Variants in IFT88 observed in about 807,000 individuals in gnomAD.
IFT88 encodes the protein intraflagellar transport 88.
A neutral mutation model predicts 119.5 loss-of-function variants in IFT88; 74 were observed. The ratio of observed to expected loss-of-function variants is 0.62; its 90% confidence interval spans 0.51 to 0.75. The LOEUF (loss-of-function observed/expected upper bound fraction) is 0.75, where lower values mean the gene tolerates loss of function less well. IFT88 is among the 30% of genes least tolerant of loss of function. The pLI, the probability that IFT88 is intolerant of heterozygous loss-of-function variation, is 0.00. For missense variants in IFT88, 961 were observed against 977.7 expected, an observed-to-expected ratio of 0.98 and a Z score of 0.23; for synonymous variants, 279 against 316.7, an observed-to-expected ratio of 0.88 and a Z score of 1.26.
At chr13:20,608,316 G>A (rs547966333) in intron 13 of IFT88, among the ~76,000 whole-genome samples, 37 of 152,328 alleles carry the variant, frequency 2.4e-4, no homozygotes, top group African/African-American at 8.7e-4. Flanking sequence ...TGAGCCACAG[G>A]AGGATGCGTT....
intron 24 of IFT88, among the ~76,000 whole-genome samples, chr13:20,684,380 C>T (rs1028485859): frequency 2.0e-5 from 3 of 152,136 alleles, no homozygotes; most frequent in African/African-American, 7.2e-5. Flanking sequence ...ACCTCTCCCT[C>T]CTTTGTCTCT....
chr13:20,615,089 A>G, intron 13 of IFT88, among the ~76,000 whole-genome samples: 1 of 152,224 alleles, frequency 6.6e-6, no homozygotes, highest in Non-Finnish European at 1.5e-5. Flanking sequence ...TGCTGGGATT[A>G]CAGGCATGAG....
At chr13:20,614,700 T>G (rs891635709) in intron 13 of IFT88, among the ~76,000 whole-genome samples, 1 of 152,160 alleles carries the variant, frequency 6.6e-6, no homozygotes, top group Non-Finnish European at 1.5e-5. Context: ...GGGTAAAGGG[T>G]ACATGGAATC....
In IFT88 at chr13:20,625,380, A is replaced by C. The variant is rs557691639; in HGVS notation, c.1200-370A>C. Among the ~76,000 whole-genome samples the C allele has an allele frequency of 2.0e-5, 3 of 152,320 alleles. No individual in the cohort carries two copies. The East Asian group carries it at 5.8e-4, about 29-fold the overall frequency. ...ATTTAAGTTGGGACACAAAAAATTA[A>C]ATATATTCTACAAGTTCTGTAGAAT... On this transcript the variant is annotated intron_variant, in intron 14 of 25. Transcript: ENST00000351808.
At chr13:20,668,381 A>G (rs139295022) in intron 23 of IFT88, among the ~76,000 whole-genome samples, 186 of 151,900 alleles carry the variant, frequency 1.2e-3, no homozygotes, top group Non-Finnish European at 1.8e-3. Context: ...TTTTTCTTAC[A>G]TAATAGGCAC....
intron 20 of IFT88, 39 bp from the exon 21 acceptor site, chr13:20,653,837 T>G: frequency 8.1e-7 from 1 of 1,227,062 alleles, no homozygotes; most frequent in African/African-American, 1.5e-5. Context: ...ATCACAGATT[T>G]TTTTATCTCT....
chr13:20,597,771 T>TA lies in IFT88; in HGVS notation c.594+652_594+653insA, dbSNP rs377601043. 2.2e-3 allele frequency among the ~76,000 whole-genome samples: 310 copies of TA among 142,016 alleles called. 1 individual carries two copies. The highest frequency in any genetic ancestry group is 5.9e-3 in the African/African-American group (226 of 38,556). The allele number at this position is 142,016 out of a possible 152,430, so 93.2% of individuals were successfully genotyped here. A position where few individuals can be genotyped will look rare whatever the true frequency, so the allele number is the denominator to read the frequency against. The stretch of plus-strand genomic sequence containing the variant: ...AAAAAAAAAATATATATATATATAT[T>TA]TTTTTTTTGATAACTTGGTAAGTAC... On this transcript the variant is annotated intron_variant, in intron 9 of 25. Coordinates refer to ENST00000351808, the MANE Select transcript of IFT88 (RefSeq NM_006531.5).
intron 3 of IFT88, among the ~76,000 whole-genome samples, chr13:20,586,168 C>T (rs2039630276): frequency 6.6e-6 from 1 of 152,188 alleles, no homozygotes; most frequent in Admixed American, 6.5e-5. Flanking sequence ...CAAGGTCTCA[C>T]AGTTATCTGT....
At position 20,567,166 on chromosome 13, in the gene IFT88, C is replaced by A. The variant is rs940232820; in HGVS notation, c.-97C>A. The A allele has an allele frequency of 6.6e-6, 1 of 152,266 alleles. No homozygotes were observed. The highest frequency in any genetic ancestry group is 1.5e-5 in the Non-Finnish European group (1 of 68,108). The allele number at this position is 152,266 out of a possible 1,614,324, so 9.4% of individuals were successfully genotyped here. ...CTGTGGGAGCGGCTTCCTTGGATTC[C>A]GCGCTTGGCAACGGCTCGGCGTCGC... On this transcript the variant is annotated 5_prime_UTR_variant, in exon 1 of 26. Coordinates refer to ENST00000351808, the MANE Select transcript of IFT88 (RefSeq NM_006531.5).
intron 24 of IFT88, among the ~76,000 whole-genome samples, chr13:20,684,189 T>C (rs11838795): frequency 0.52 from 79,604 of 152,058 alleles, 22,560 homozygotes; most frequent in African/African-American, 0.72. Flanking sequence ...CCATATCACC[T>C]TCTCATCTAG....
At position 20,653,918 on chromosome 13, in the gene IFT88, CAGA is replaced by C. The variant is rs2140536502; in HGVS notation, c.1998_2000del (p.Arg666del). ...GGCAGCTGATGGTAGCTAGTTGTTT[CAGA>C]AGAAGTGGTAAATGCTTTAGTTTTA... On this transcript the variant is annotated inframe_deletion, in exon 21 of 26. Coordinates refer to ENST00000351808, the MANE Select transcript of IFT88 (RefSeq NM_006531.5). 1 of 1,583,876 alleles carries C rather than the reference CAGA, an allele frequency of 6.3e-7. No homozygotes were observed. Among genetic ancestry groups the C allele is most frequent in the Non-Finnish European group, 8.6e-7 (1 of 1,162,976 alleles).
chr13:20,638,288 G>C, intron 16 of IFT88, 44 bp from the exon 17 acceptor site: 1 of 1,028,530 alleles, frequency 9.7e-7, no homozygotes, highest in Non-Finnish European at 1.3e-6. Flanking sequence ...GTCAGAAAAG[G>C]TATTTCATGA....
intron 10 of IFT88, among the ~76,000 whole-genome samples, chr13:20,599,103 T>C (rs1475551611): frequency 6.6e-6 from 1 of 152,076 alleles, no homozygotes; most frequent in Non-Finnish European, 1.5e-5. Flanking sequence ...TTAATGTTTA[T>C]CAGAATGTCG....
At chr13:20,674,852 T>G (rs572977157) in intron 24 of IFT88, among the ~76,000 whole-genome samples, 1 of 150,344 alleles carries the variant, frequency 6.7e-6, no homozygotes, top group East Asian at 2.0e-4. Context: ...TAGCTGGGAC[T>G]ACAGGCACCC....
intron 22 of IFT88, among the ~76,000 whole-genome samples, chr13:20,657,105 C>T (rs1421495444): frequency 6.6e-6 from 1 of 152,208 alleles, no homozygotes; most frequent in Non-Finnish European, 1.5e-5. Flanking sequence ...ATCCGCCTAC[C>T]TTGGCTTCCC....
At chr13:20,594,706 G>T (rs1354858617) in intron 7 of IFT88, among the ~76,000 whole-genome samples, 1 of 152,114 alleles carries the variant, frequency 6.6e-6, no homozygotes, top group African/African-American at 2.4e-5. Flanking sequence ...CTAGAAAATA[G>T]AATTCTATAC....
chr13:20,630,342 T>C (rs1232011296), intron 15 of IFT88, among the ~76,000 whole-genome samples: 1 of 152,184 alleles, frequency 6.6e-6, no homozygotes, highest in Non-Finnish European at 1.5e-5. Context: ...TCAAAAAATA[T>C]TTTTAGTATT....
At chr13:20,636,755 G>A (rs565060415) in intron 16 of IFT88, among the ~76,000 whole-genome samples, 7 of 152,364 alleles carry the variant, frequency 4.6e-5, no homozygotes, top group Admixed American at 1.3e-4. Context: ...AAAAGACAAT[G>A]TTACATGTTT....
chr13:20,581,253 T>G (rs192284332), intron 2 of IFT88, among the ~76,000 whole-genome samples: 1 of 152,318 alleles, frequency 6.6e-6, no homozygotes, highest in African/African-American at 2.4e-5. Flanking sequence ...GCTTAAGATA[T>G]TCATAGAAGA....
Sources: gnomAD v4.1 joint callset for allele counts (sites outside exome capture counted in the v4.1 genomes callset) on GRCh38, gnomAD v4.1.1 for gene constraint, MANE v1.5 for transcripts, NCBI Gene and HGNC (gene_info 2026-07-23, HGNC 2026-07-21) for gene names.